The following GET3 variants were observed in gnomAD, a reference collection of about 807,000 sequenced individuals.
The protein encoded by GET3 is ATPase GET3.
A neutral mutation model predicts 32.4 loss-of-function variants in GET3; 15 were observed. The observed-to-expected ratio is 0.46, with a 90% confidence interval of 0.31 to 0.71. The LOEUF is 0.71. Ranked by LOEUF, GET3 falls within the 30% of genes least tolerant of loss-of-function variation. The pLI, the probability that GET3 is intolerant of heterozygous loss-of-function variation, is 0.05. For synonymous variants in GET3, 198 were observed against 185.6 expected (o/e 1.07, Z -0.54); for missense variants, 333 against 459.0 (o/e 0.73, Z 2.51).
At chr19:12,737,813 A>G (rs1967601790) in intron 1 of GET3, 147 bp downstream of exon 1, 3 of 1,105,144 alleles carry the variant, frequency 2.7e-6, no homozygotes, top group Non-Finnish European at 2.5e-6. Flanking sequence ...ACCTGGAGCA[A>G]ATGAGAAAGA....
In GET3 at chr19:12,737,685, GGGCCAGGA is replaced by G; in HGVS notation, c.161+23_161+30del. On this transcript the variant is annotated intron_variant, in intron 1 of 6. Coordinates refer to ENST00000357332, the MANE Select transcript of GET3 (RefSeq NM_004317.4). ...CCTGCAGGTAAGGAGGCTGCGGCGG[GGGCCAGGA>G]GGCGTGTAGGATATACCACTGGGCG... The G allele has an allele frequency of 6.2e-7, 1 of 1,601,372 alleles. No homozygotes were observed. Among genetic ancestry groups the G allele is most frequent in the Non-Finnish European group, 8.5e-7 (1 of 1,176,822 alleles).
chr19:12,741,745 C>T (rs142556594), intron 2 of GET3, among the ~76,000 whole-genome samples: 74 of 150,744 alleles, frequency 4.9e-4, no homozygotes, highest in Non-Finnish European at 7.4e-4. Flanking sequence ...GGATACAGAG[C>T]GACACTCCAT....
chr19:12,742,035 CAA>C (rs897819486), intron 2 of GET3, among the ~76,000 whole-genome samples: 28 of 152,102 alleles, frequency 1.8e-4, no homozygotes, highest in African/African-American at 2.7e-4. Flanking sequence ...GAGACTGAGA[CAA>C]GAGGATCACG....
chr19:12,740,779 C>G (rs1967654004), intron 2 of GET3, among the ~76,000 whole-genome samples: 1 of 152,186 alleles, frequency 6.6e-6, no homozygotes, highest in African/African-American at 2.4e-5. Flanking sequence ...GCATACAGAC[C>G]CAGAACTTGG....
In GET3 at chr19:12,747,187, C is replaced by T. The variant is rs868190390; in HGVS notation, c.610-10C>T. On this transcript the variant is annotated splice_polypyrimidine_tract_variant and intron_variant, in intron 4 of 6. Coordinates refer to ENST00000357332, the MANE Select transcript of GET3 (RefSeq NM_004317.4). This position sits in a 1 kb window ranked among gnomAD's most constrained non-coding sequence, Gnocchi z 4.0. ...GGTAAGCTATGAGCCCTCCCACATC[C>T]CCCCTGCAGATGTGCAACATGCTGG... 6.3e-7 allele frequency: 1 copy of T among 1,575,418 alleles called. No individual in the cohort carries two copies. Among genetic ancestry groups the T allele is most frequent in the South Asian group, 1.2e-5 (1 of 85,572 alleles).
intron 2 of GET3, among the ~76,000 whole-genome samples, chr19:12,741,926 G>A (rs556999258): frequency 1.3e-5 from 2 of 152,152 alleles, no homozygotes; most frequent in Non-Finnish European, 2.9e-5. Flanking sequence ...CTCCAAAAGG[G>A]TGAGGAGCAA....
At chr19:12,743,607 A>G (rs1222947346) in intron 2 of GET3, among the ~76,000 whole-genome samples, 4 of 150,750 alleles carry the variant, frequency 2.7e-5, no homozygotes, top group Non-Finnish European at 5.9e-5. Flanking sequence ...TGGCTAACAC[A>G]GTGAAACCCC....
chr19:12,742,816 G>T (rs983609623), intron 2 of GET3, among the ~76,000 whole-genome samples: 12 of 152,036 alleles, frequency 7.9e-5, no homozygotes, highest in Non-Finnish European at 1.8e-4. Context: ...TAATACACTG[G>T]GATTACAAGT....
Position 12,745,737 on chromosome 19 carries a change from A to G in GET3, c.587A>G (p.Gln196Arg). 2 of 1,610,756 alleles carry G rather than the reference A, an allele frequency of 1.2e-6. No individual in the cohort carries two copies. Among genetic ancestry groups the G allele is most frequent in the Non-Finnish European group, 8.5e-7 (1 of 1,179,042 alleles). The change falls in exon 4 of 7, where the codon CAG becomes CGG. Residue 196 changes from glutamine to arginine, a missense_variant. Around this residue, in one of 3 missense-constraint regions of GET3, gnomAD observed 230 missense variants for 389.2 expected, o/e 0.59. Coordinates refer to ENST00000357332, the MANE Select transcript of GET3 (RefSeq NM_004317.4). The surrounding 1 kb of genome is among the most constrained non-coding windows in gnomAD (Gnocchi z 5.0). ...GGCCGGCTTATGCAGATCAAGAACCAGATCAGCCCTTTCATCTCACAGGCA... is the reference window on the plus strand; with the variant it reads ...GGCCGGCTTATGCAGATCAAGAACCGGATCAGCCCTTTCATCTCACAGGCA... ...GLGRLMQIKN[Q>R]ISPFISQMCN...
In GET3 at chr19:12,737,686, G is replaced by A. The variant is rs760227416; in HGVS notation, c.161+20G>A. The A allele has an allele frequency of 1.9e-6, 3 of 1,600,924 alleles. No individual in the cohort carries two copies. On this transcript the variant is annotated intron_variant, in intron 1 of 6. Transcript: ENST00000357332. The stretch of plus-strand genomic sequence containing the variant: ...CTGCAGGTAAGGAGGCTGCGGCGGG[G>A]GCCAGGAGGCGTGTAGGATATACCA...
intron 2 of GET3, among the ~76,000 whole-genome samples, chr19:12,743,351 C>G (rs945660796): frequency 4.6e-5 from 7 of 152,022 alleles, no homozygotes; most frequent in African/African-American, 1.7e-4. Flanking sequence ...TGGCGCATGC[C>G]TGTAATCCCA....
rs1214344979 is a variant in GET3, at chr19:12,747,225, T to C, written c.638T>C (p.Met213Thr). Reference protein sequence around the residue: ...QMCNMLGLGDMNADQLASKLE... With the variant: ...QMCNMLGLGDTNADQLASKLE... ...TGCAACATGCTGGGCCTGGGGGACA[T>C]GAACGCAGACCAGCTGGCCTCCAAG... Residue 213 changes from methionine (M) to threonine (T), a missense_variant, in exon 5 of 7, where the codon ATG becomes ACG. Physicochemically the swap from Met to Thr is moderately conservative, Grantham distance 81. This residue lies in a region of GET3 where 230 missense variants were observed against 389.2 expected (regional missense o/e 0.59). Transcript: ENST00000357332. This position sits in a 1 kb window ranked among gnomAD's most constrained non-coding sequence, Gnocchi z 4.0. 1.2e-6 allele frequency: 2 copies of C among 1,610,288 alleles called. No homozygotes were observed. The highest frequency in any genetic ancestry group is 3.4e-5 in the Admixed American group (2 of 59,472).
At position 12,747,137 on chromosome 19, in the gene GET3, A is replaced by AC. The variant is rs1967787319; in HGVS notation, c.610-55dup. On this transcript the variant is annotated intron_variant, in intron 4 of 6. Coordinates refer to ENST00000357332, the MANE Select transcript of GET3 (RefSeq NM_004317.4). The surrounding 1 kb of genome is among the most constrained non-coding windows in gnomAD (Gnocchi z 4.0). ...GAGTCATCCCTCGGGTGTTTAGTGA[A>AC]CCCCCAACCCAGGAGGTCGCCGCAG... 1 of 1,457,476 alleles carries AC rather than the reference A, an allele frequency of 6.9e-7. No individual in the cohort carries two copies. Among genetic ancestry groups the AC allele is most frequent in the African/African-American group, 1.4e-5 (1 of 70,272 alleles). 90.3% of individuals were successfully genotyped at this position (1,457,476 alleles called of 1,614,324 possible). A position where few individuals can be genotyped will look rare whatever the true frequency, so the allele number is the denominator to read the frequency against.
chr19:12,746,684 G>A (rs1302447724), intron 4 of GET3, among the ~76,000 whole-genome samples: 3 of 152,138 alleles, frequency 2.0e-5, no homozygotes, highest in Admixed American at 1.3e-4. Context: ...GCTCCAGGAG[G>A]GTCAAGCCCC....
At chr19:12,738,381 C>T in intron 1 of GET3, 130 bp from the exon 2 acceptor site, 10 of 1,137,430 alleles carry the variant, frequency 8.8e-6, no homozygotes, top group Non-Finnish European at 1.3e-5. Flanking sequence ...CCCACCATAA[C>T]CCATACTCTC....
At chr19:12,738,458 G>T in intron 1 of GET3, 53 bp from the exon 2 acceptor site, 1 of 1,604,628 alleles carries the variant, frequency 6.2e-7, no homozygotes. Flanking sequence ...TGCAGACCCA[G>T]GGAACAGAGC....
In GET3 at chr19:12,745,663, C is replaced by CCACA; in HGVS notation, c.515_518dup (p.Leu174HisfsTer68). ...TGGTATTTGACACGGCACCCACGGGCCACACCCTGAGGCTGCTCAACTTCC... is the reference window on the plus strand; with the variant it reads ...TGGTATTTGACACGGCACCCACGGGCCACACACACCCTGAGGCTGCTCAACTTCC... On this transcript the variant is annotated frameshift_variant, in exon 4 of 7. Coordinates refer to ENST00000357332, the MANE Select transcript of GET3 (RefSeq NM_004317.4). LOFTEE classifies it high-confidence loss of function. The surrounding 1 kb of genome is among the most constrained non-coding windows in gnomAD (Gnocchi z 5.0). 6.2e-7 allele frequency: 1 copy of CCACA among 1,613,002 alleles called. No individual in the cohort carries two copies. Among genetic ancestry groups the CCACA allele is most frequent in the Non-Finnish European group, 8.5e-7 (1 of 1,179,984 alleles).
chr19:12,738,962 G>A (rs1045106625), intron 2 of GET3, among the ~76,000 whole-genome samples: 13 of 152,166 alleles, frequency 8.5e-5, no homozygotes, highest in African/African-American at 2.7e-4. Context: ...GGTTATTAAC[G>A]GGAAGCTGTT....
In GET3 at chr19:12,737,529, G is replaced by T; in HGVS notation, c.24G>T (p.Trp8Cys). ...AAATGGCGGCAGGGGTGGCCGGGTG[G>T]GGGGTTGAGGCAGAGGAGTTCGAAG... Reference protein sequence around the residue: MAAGVAGWGVEAEEFEDA... With the variant: MAAGVAGCGVEAEEFEDA... Residue 8 changes from tryptophan to cysteine, a missense_variant, in exon 1 of 7, where the codon TGG becomes TGT. Trp to Cys is a radical substitution (Grantham distance 215). This residue lies in a region of GET3 where 64 missense variants were observed against 36.7 expected (regional missense o/e 1.74). Transcript: ENST00000357332. 3 of 1,573,852 alleles carry T rather than the reference G, an allele frequency of 1.9e-6. No homozygotes were observed. The highest frequency in any genetic ancestry group is 2.4e-5 in the East Asian group (1 of 41,964).
Sources: allele counts gnomAD v4.1 joint callset (sites outside exome capture counted in the v4.1 genomes callset), GRCh38; gene constraint gnomAD v4.1.1; regional missense constraint gnomAD v4.1.1; non-coding constraint Gnocchi (gnomAD v3.1); transcripts MANE v1.5; gene names NCBI Gene and HGNC (gene_info 2026-07-23, HGNC 2026-07-21).